The following SLC14A2 variants were observed in gnomAD, a reference collection of about 807,000 sequenced individuals.
SLC14A2 encodes urea transporter 2.
SLC14A2 carries 91 observed loss-of-function variants against 104.6 expected under a neutral mutation model. The ratio of observed to expected loss-of-function variants is 0.87; its 90% CI spans 0.73 to 1.04. The LOEUF (loss-of-function observed/expected upper bound fraction) is 1.04, where lower values mean the gene tolerates loss of function less well. Ranked by LOEUF, SLC14A2 falls within the 50% of genes least tolerant of loss-of-function variation. The pLI, the probability that SLC14A2 is intolerant of heterozygous loss-of-function variation, is 0.00. For synonymous variants in SLC14A2, 476 were observed against 466.4 expected (o/e 1.02, Z -0.27); for missense variants, 1,189 against 1,156.0 (o/e 1.03, Z -0.41).
At chr18:45,607,049 G>C (rs545287250) in intron 2 of SLC14A2, among the ~76,000 whole-genome samples, 1 of 152,102 alleles carries the variant, frequency 6.6e-6, no homozygotes, top group Admixed American at 6.5e-5. Context: ...CACTTCGACT[G>C]TTTTAATATT....
chr18:45,225,430 C>T (rs1472592157), intron 1 of SLC14A2, among the ~76,000 whole-genome samples: 1 of 152,140 alleles, frequency 6.6e-6, no homozygotes, highest in Non-Finnish European at 1.5e-5. Flanking sequence ...TAGCATGATG[C>T]CTCCAGCTTT....
rs560073256 is a variant in SLC14A2 at position 45,295,909 on chromosome 18, T to G, written c.-125+82718T>G. 2.0e-5 allele frequency among the ~76,000 whole-genome samples: 3 copies of G among 152,306 alleles called. No homozygotes were observed. The East Asian group carries it at 5.8e-4, about 29-fold the overall frequency. Reference sequence around the variant, plus strand: ...GCAAAATGGGAATGATAACTAATACTGACCTCAAGAGGCTGTTGTGAGCAT... The same window carrying G: ...GCAAAATGGGAATGATAACTAATACGGACCTCAAGAGGCTGTTGTGAGCAT... On this transcript the variant is annotated intron_variant, in intron 1 of 20. Coordinates refer to the SLC14A2 transcript ENST00000586448.
chr18:45,451,220 G>T (rs764887555), intron 1 of SLC14A2, among the ~76,000 whole-genome samples: 83 of 152,234 alleles, frequency 5.5e-4, no homozygotes, highest in Admixed American at 9.8e-4. Flanking sequence ...ATTTTCAACT[G>T]AATGCCCAGT....
the SLC14A2 span, among the ~76,000 whole-genome samples, chr18:45,174,804 A>G: frequency 6.6e-6 from 1 of 152,188 alleles, no homozygotes; most frequent in Non-Finnish European, 1.5e-5. Context: ...CACTGGATGG[A>G]TGGATCATGC....
chr18:45,545,641 T>C (rs1415422373), intron 2 of SLC14A2, among the ~76,000 whole-genome samples: 1 of 152,196 alleles, frequency 6.6e-6, no homozygotes, highest in Non-Finnish European at 1.5e-5. Flanking sequence ...TTGAGTGAGC[T>C]CAGCATTTTA....
chr18:45,427,738 T>C (rs2086454814), intron 1 of SLC14A2, among the ~76,000 whole-genome samples: 1 of 152,058 alleles, frequency 6.6e-6, no homozygotes, highest in South Asian at 2.1e-4. Flanking sequence ...GTGACTATAT[T>C]TGGGAAGAAA....
At chr18:45,261,866 G>A (rs1186767786) in intron 1 of SLC14A2, among the ~76,000 whole-genome samples, 3 of 152,096 alleles carry the variant, frequency 2.0e-5, no homozygotes, top group Non-Finnish European at 2.9e-5. Flanking sequence ...CGCAATAAAC[G>A]TACATGTGCA....
rs141503106 is a variant in SLC14A2, at chr18:45,332,646, A to G, written c.-125+119455A>G. ...TAAGACAAATACATAACCATACATC[A>G]AAGAGAATTAAAAACCCAAAGAGGA... is the stretch of plus-strand genomic sequence containing the variant. On this transcript the variant is annotated intron_variant, in intron 1 of 20. Coordinates refer to the SLC14A2 transcript ENST00000586448. Among the ~76,000 whole-genome samples the G allele has an allele frequency of 2.8e-4, 43 of 152,356 alleles. No homozygotes were observed. The East Asian group carries it at 8.3e-3, about 29-fold the overall frequency.
chr18:45,464,891 G>A (rs1360550604), intron 1 of SLC14A2, among the ~76,000 whole-genome samples: 1 of 152,186 alleles, frequency 6.6e-6, no homozygotes, highest in Non-Finnish European at 1.5e-5. Flanking sequence ...AGATGGTGGA[G>A]GTTGGTAGAG....
the SLC14A2 span, among the ~76,000 whole-genome samples, chr18:45,207,737 T>A: frequency 6.6e-6 from 1 of 152,132 alleles, no homozygotes; most frequent in African/African-American, 2.4e-5. Context: ...CATAGGGGAA[T>A]CACGTTTCAC....
At chr18:45,225,092 C>T (rs1308076658) in intron 1 of SLC14A2, among the ~76,000 whole-genome samples, 4 of 152,104 alleles carry the variant, frequency 2.6e-5, no homozygotes, top group African/African-American at 9.7e-5. Flanking sequence ...ATGCTATTGC[C>T]TAGGTTTTCT....
At chr18:45,368,170 C>T (rs1302842810) in intron 1 of SLC14A2, among the ~76,000 whole-genome samples, 1 of 152,116 alleles carries the variant, frequency 6.6e-6, no homozygotes, top group African/African-American at 2.4e-5. Context: ...GCACCTGAAA[C>T]TTTCTGCAGG....
chr18:45,619,088 T>TTTGA (rs936160454), intron 1 of SLC14A2, among the ~76,000 whole-genome samples: 17 of 152,354 alleles, frequency 1.1e-4, no homozygotes, highest in Admixed American at 8.5e-4. Context: ...TAGTTTTGTC[T>TTTGA]TTGATTGCCT....
At chr18:45,398,220 C>T (rs898267890) in intron 1 of SLC14A2, among the ~76,000 whole-genome samples, 1 of 152,184 alleles carries the variant, frequency 6.6e-6, no homozygotes, top group East Asian at 1.9e-4. Context: ...GAGTCTAAAG[C>T]TCTTGTCCTT....
At position 45,383,060 on chromosome 18, in the gene SLC14A2, A is replaced by G. The variant is rs566718712; in HGVS notation, c.-124-100173A>G. On this transcript the variant is annotated intron_variant, in intron 1 of 20. Coordinates refer to the SLC14A2 transcript ENST00000586448. ...CTATGGGAACAGACTGCTTGGCTTCATTTGTGCTGCACATTTGCCTGCCCT... is the reference window on the plus strand; with the variant it reads ...CTATGGGAACAGACTGCTTGGCTTCGTTTGTGCTGCACATTTGCCTGCCCT... Among the ~76,000 whole-genome samples, 4 of 152,318 alleles carry G rather than the reference A, an allele frequency of 2.6e-5. No individual in the cohort carries two copies. The South Asian group carries it at 6.2e-4, about 24-fold the overall frequency.
At chr18:45,457,156 GA>G (rs2086957996) in intron 1 of SLC14A2, among the ~76,000 whole-genome samples, 1 of 152,132 alleles carries the variant, frequency 6.6e-6, no homozygotes, top group Admixed American at 6.5e-5. Flanking sequence ...TGTAGTATAC[GA>G]AGGTTTTTTT....
chr18:45,221,966 A>T (rs950550870), intron 1 of SLC14A2, among the ~76,000 whole-genome samples: 3 of 152,170 alleles, frequency 2.0e-5, no homozygotes, highest in Non-Finnish European at 1.5e-5. Context: ...ATGGTGGATC[A>T]AAAATGAGCA....
chr18:45,468,556 A>C (rs919365327), intron 1 of SLC14A2, among the ~76,000 whole-genome samples: 3 of 152,128 alleles, frequency 2.0e-5, no homozygotes, highest in African/African-American at 7.2e-5. Context: ...TTAAGCCAAC[A>C]ATCCCTGCAT....
intron 1 of SLC14A2, among the ~76,000 whole-genome samples, chr18:45,472,836 C>T (rs1000241038): frequency 1.3e-5 from 2 of 152,158 alleles, no homozygotes; most frequent in Non-Finnish European, 1.5e-5. Flanking sequence ...TGCCTGTTCA[C>T]TCTGATGATA....
Sources: allele counts gnomAD v4.1 joint callset (sites outside exome capture counted in the v4.1 genomes callset), GRCh38; gene constraint gnomAD v4.1.1; transcripts MANE v1.5; gene names NCBI Gene and HGNC (gene_info 2026-07-23, HGNC 2026-07-21).